SEC24D: variants seen among roughly 807,000 people sequenced by gnomAD.
SEC24D encodes the protein SEC24 homolog D, COPII component.
A neutral mutation model predicts 116.9 loss-of-function variants in SEC24D; 69 were observed. That is an observed-to-expected ratio of 0.59 (90% confidence interval 0.49 to 0.72). SEC24D has a LOEUF of 0.72. Ranked by LOEUF, SEC24D falls within the 30% of genes least tolerant of loss-of-function variation. SEC24D has a pLI of 0.00. For synonymous variants in SEC24D, 405 were observed against 442.8 expected (o/e 0.91, Z 1.07); for missense variants, 1,131 against 1,264.1 (o/e 0.89, Z 1.60).
chr4:118,753,089 G>A (rs1175924519), intron 11 of SEC24D, among the ~76,000 whole-genome samples: 2 of 151,940 alleles, frequency 1.3e-5, no homozygotes, highest in African/African-American at 2.4e-5. Flanking sequence ...TAAACAAACT[G>A]ATAAGGAAAA....
In SEC24D at chr4:118,744,010, A is replaced by G; in HGVS notation, c.1973T>C (p.Leu658Pro). Residue 658 changes from leucine (L) to proline (P), a missense_variant, in exon 15 of 23, where the codon CTT (leucine) becomes CCT (proline). Transcript: ENST00000280551. ...GLVPQLTGGTLYKYNNFQMHL... is the reference protein window; with the variant it reads ...GLVPQLTGGTPYKYNNFQMHL... ...TACCTGGAAATTGTTGTATTTGTAA[A>G]GGGTTCCTCCAGTGAGCTGAGGAAC... 2 of 1,602,084 alleles carry G rather than the reference A, an allele frequency of 1.2e-6. No homozygotes were observed. Among genetic ancestry groups the G allele is most frequent in the Non-Finnish European group, 1.7e-6 (2 of 1,176,428 alleles).
intron 8 of SEC24D, among the ~76,000 whole-genome samples, chr4:118,787,137 C>T (rs1198207815): frequency 6.6e-6 from 1 of 152,170 alleles, no homozygotes; most frequent in Non-Finnish European, 1.5e-5. Context: ...AGTACTTTTT[C>T]ATAGCACTAT....
intron 3 of SEC24D, among the ~76,000 whole-genome samples, chr4:118,823,729 A>G (rs969598530): frequency 6.6e-5 from 10 of 152,158 alleles, no homozygotes; most frequent in African/African-American, 2.2e-4. Flanking sequence ...TATTTCATAC[A>G]TCTTGGCTTC....
intron 8 of SEC24D, among the ~76,000 whole-genome samples, chr4:118,793,121 G>A (rs140634777): frequency 2.6e-5 from 4 of 152,176 alleles, no homozygotes; most frequent in South Asian, 4.2e-4. Context: ...TGCCTGTGAC[G>A]TAGGAAAAAT....
chr4:118,832,439 C>A (rs1341709350), intron 2 of SEC24D, among the ~76,000 whole-genome samples: 1 of 151,812 alleles, frequency 6.6e-6, no homozygotes, highest in African/African-American at 2.4e-5. Context: ...CTATGCTGAG[C>A]CATGGAGGGA....
chr4:118,797,538 T>A, intron 8 of SEC24D, 145 bp downstream of exon 8: 1 of 653,026 alleles, frequency 1.5e-6, no homozygotes. Context: ...GTTTTCCTGA[T>A]GAATTCAATT....
intron 13 of SEC24D, among the ~76,000 whole-genome samples, chr4:118,746,706 C>G (rs1393398152): frequency 1.3e-5 from 2 of 152,126 alleles, no homozygotes; most frequent in Admixed American, 6.6e-5. Context: ...AGCTCTCTGC[C>G]TGCAGCTGTT....
intron 2 of SEC24D, chr4:118,825,372 A>G: frequency 2.9e-6 from 1 of 340,744 alleles, no homozygotes; most frequent in Admixed American, 4.0e-5. Context: ...ATGGGACCAC[A>G]TGCAGTTAAC....
At chr4:118,816,088 A>ATTTTT (rs34404398) in intron 4 of SEC24D, among the ~76,000 whole-genome samples, 15 of 101,312 alleles carry the variant, frequency 1.5e-4, no homozygotes, top group Admixed American at 2.5e-4. Flanking sequence ...CGCCAAGTTC[A>ATTTTT]TTTTTTTTTT....
chr4:118,815,320 A>G, intron 5 of SEC24D, 131 bp downstream of exon 5: 1 of 1,394,418 alleles, frequency 7.2e-7, no homozygotes, highest in African/African-American at 1.4e-5. Context: ...TGCTCTTGCC[A>G]AAACTCTTCA....
chr4:118,831,540 C>A (rs1730858334), intron 2 of SEC24D, among the ~76,000 whole-genome samples: 1 of 152,056 alleles, frequency 6.6e-6, no homozygotes. Context: ...GGCCCACACG[C>A]AGCCCAGGAC....
chr4:118,819,530 CAAAAAA>C (rs373794417), intron 3 of SEC24D, among the ~76,000 whole-genome samples: 2 of 60,928 alleles, frequency 3.3e-5, no homozygotes, highest in South Asian at 7.1e-4. Context: ...GACCCCGTCT[CAAAAAA>C]AAAAAAAAAA....
chr4:118,817,389 T>G lies in SEC24D; in HGVS notation c.272A>C (p.Asn91Thr). The change falls in exon 4 of 23, where the codon AAC becomes ACC. Residue 91 changes from asparagine to threonine, a missense_variant. By Grantham distance (65) the Asn-to-Thr change is moderately conservative. Transcript: ENST00000280551. ...PQRFPGPPPV[N>T]NVASSHAPYQ... Reference sequence around the variant, plus strand: ...TGGTGCATGTGAGGATGCCACATTGTTGACAGGTGGAGGGCCTGGAAATCT... The same window carrying G: ...TGGTGCATGTGAGGATGCCACATTGGTGACAGGTGGAGGGCCTGGAAATCT... 6.2e-7 allele frequency: 1 copy of G among 1,611,398 alleles called. No homozygotes were observed. The highest frequency in any genetic ancestry group is 8.5e-7 in the Non-Finnish European group (1 of 1,178,880).
In SEC24D at chr4:118,769,550, G is replaced by A. The variant is rs148802401; in HGVS notation, c.1042-1239C>T. On this transcript the variant is annotated intron_variant, in intron 8 of 22. Transcript: ENST00000280551. ...GTCAGTGGGGTAGGGGCATCAGGCC[G>A]TTTTCTGCTTCAGTCTTAGAAAACC... 5.5e-3 allele frequency among the ~76,000 whole-genome samples: 843 copies of A among 152,162 alleles called. 7 individuals are homozygous for A. The highest frequency in any genetic ancestry group is 9.5e-3 in the Non-Finnish European group (644 of 67,998).
chr4:118,811,351 G>C (rs1051463773), intron 6 of SEC24D, among the ~76,000 whole-genome samples: 2 of 152,242 alleles, frequency 1.3e-5, no homozygotes, highest in African/African-American at 4.8e-5. Context: ...TCAAAGAAGT[G>C]CAGATGATGC....
chr4:118,787,359 C>A (rs942225161), intron 8 of SEC24D, among the ~76,000 whole-genome samples: 4 of 152,120 alleles, frequency 2.6e-5, no homozygotes, highest in African/African-American at 7.2e-5. Context: ...TTGAAGTTTT[C>A]ATTTAAAAAT....
At chr4:118,738,071 AT>A in intron 19 of SEC24D, 189 bp downstream of exon 19, 1 of 501,408 alleles carries the variant, frequency 2.0e-6, no homozygotes, top group Non-Finnish European at 3.6e-6. Context: ...TTTTGTTCAC[AT>A]TTTTAAATGT....
At chr4:118,772,683 G>A (rs909200981) in intron 8 of SEC24D, among the ~76,000 whole-genome samples, 2 of 152,084 alleles carry the variant, frequency 1.3e-5, no homozygotes, top group Non-Finnish European at 2.9e-5. Flanking sequence ...TGCTGCCAGC[G>A]TCCAAGCCCA....
Position 118,757,610 on chromosome 4 carries a change from A to T in SEC24D, c.1421+111T>A, listed in dbSNP as rs116022113. ...CTGTTTGATTTATGACTAATTACCC[A>T]GTGTCCTCATTAGCAAAAAAAATCA... On this transcript the variant is annotated intron_variant, in intron 11 of 22. Transcript: ENST00000280551. 7.9e-4 allele frequency: 681 copies of T among 862,332 alleles called. 1 individual carries two copies. In the African/African-American group the frequency reaches 0.011, roughly 13 times the overall value. 53.4% of individuals were successfully genotyped at this position (862,332 alleles called of 1,614,324 possible).
Sources: gnomAD v4.1 joint callset for allele counts (sites outside exome capture counted in the v4.1 genomes callset) on GRCh38, gnomAD v4.1.1 for gene constraint, MANE v1.5 for transcripts, NCBI Gene and HGNC (gene_info 2026-07-23, HGNC 2026-07-21) for gene names.